The following TMEM132C variants were observed in gnomAD, a reference collection of about 807,000 sequenced individuals.
TMEM132C encodes the protein transmembrane protein 132C, also known as protein phosphatase 1, regulatory subunit 152.
A neutral mutation model predicts 61.4 loss-of-function variants in TMEM132C; 29 were observed. The observed-to-expected ratio is 0.47, with a 90% CI of 0.35 to 0.64. The LOEUF (loss-of-function observed/expected upper bound fraction) is 0.64, where lower values mean the gene tolerates loss of function less well. Ranked by LOEUF, TMEM132C falls within the 30% of genes least tolerant of loss-of-function variation. The pLI, the probability that TMEM132C is intolerant of heterozygous loss-of-function variation, is 0.00. For missense variants in TMEM132C, 1,408 were observed against 1,476.9 expected (o/e 0.95, Z 0.76); for synonymous variants, 656 against 633.1 (o/e 1.04, Z -0.54).
In TMEM132C at chr12:128,705,225, C is replaced by A; in HGVS notation, c.2257C>A (p.Pro753Thr). ...AVVSVPQPRS[P>T]RWPVVVAEGE... is the part of the protein sequence containing the mutation. ...CGTGTCAGTCCCCCAGCCCCGCTCTCCCAGGTGGCCCGTTGTGGTGGCCGA... is the reference window on the plus strand; with the variant it reads ...CGTGTCAGTCCCCCAGCCCCGCTCTACCAGGTGGCCCGTTGTGGTGGCCGA... The change falls in exon 9 of 9, where the codon CCC (proline) becomes ACC (threonine). Residue 753 changes from proline to threonine, a missense_variant. Pro to Thr is a conservative substitution (Grantham distance 38). Coordinates refer to ENST00000435159, the MANE Select transcript of TMEM132C (RefSeq NM_001136103.3). 1 of 1,551,702 alleles carries A rather than the reference C, an allele frequency of 6.4e-7. No individual in the cohort carries two copies. The highest frequency in any genetic ancestry group is 8.7e-7 in the Non-Finnish European group (1 of 1,147,004).
intron 1 of TMEM132C, among the ~76,000 whole-genome samples, chr12:128,335,454 C>T (rs373803243): frequency 6.6e-5 from 10 of 152,270 alleles, no homozygotes; most frequent in South Asian, 2.1e-4. Context: ...GATTAACCAT[C>T]GCTGTTGTAT....
chr12:128,429,135 G>A (rs771868849), intron 2 of TMEM132C, among the ~76,000 whole-genome samples: 13 of 152,074 alleles, frequency 8.5e-5, no homozygotes, highest in Non-Finnish European at 1.6e-4. Flanking sequence ...TTCAACAGGG[G>A]AAGAGTTTTA....
At chr12:128,625,426 T>C (rs939027411) in intron 4 of TMEM132C, among the ~76,000 whole-genome samples, 1 of 152,178 alleles carries the variant, frequency 6.6e-6, no homozygotes, top group African/African-American at 2.4e-5. Context: ...TAGTCCATTT[T>C]CATGCTGCTG....
intron 3 of TMEM132C, among the ~76,000 whole-genome samples, chr12:128,582,024 A>G (rs368454044): frequency 6.6e-6 from 1 of 152,232 alleles, no homozygotes; most frequent in South Asian, 2.1e-4. Context: ...TCAGAGGGTC[A>G]GAGATTCCAA....
At chr12:128,580,715 T>C (rs773174398) in intron 3 of TMEM132C, among the ~76,000 whole-genome samples, 2 of 152,174 alleles carry the variant, frequency 1.3e-5, no homozygotes, top group African/African-American at 4.8e-5. Flanking sequence ...ATTTTTCTTA[T>C]AGCGACAGTC....
At chr12:128,673,488 G>A (rs1210748992) in intron 5 of TMEM132C, among the ~76,000 whole-genome samples, 1 of 152,212 alleles carries the variant, frequency 6.6e-6, no homozygotes, top group African/African-American at 2.4e-5. Flanking sequence ...AGACAGGCAG[G>A]AAGCCTGCCT....
chr12:128,478,513 G>A (rs1374706522), intron 2 of TMEM132C, among the ~76,000 whole-genome samples: 1 of 152,098 alleles, frequency 6.6e-6, no homozygotes, highest in Non-Finnish European at 1.5e-5. Flanking sequence ...TCTTATCCCG[G>A]ACTTTCTCTT....
chr12:128,518,709 G>C (rs543272181), intron 2 of TMEM132C, among the ~76,000 whole-genome samples: 128 of 152,006 alleles, frequency 8.4e-4, no homozygotes, highest in Middle Eastern at 6.8e-3. Context: ...ATTATCTATT[G>C]GTGTGTGAAT....
At chr12:128,309,542 C>T (rs1470357671) in intron 1 of TMEM132C, among the ~76,000 whole-genome samples, 1 of 152,076 alleles carries the variant, frequency 6.6e-6, no homozygotes, top group African/African-American at 2.4e-5. Flanking sequence ...CTCTCCATTC[C>T]GTTTTCCTCC....
chr12:128,414,851 C>A lies in TMEM132C; in HGVS notation c.205C>A (p.Gln69Lys). The change falls in exon 2 of 9, where the codon CAG becomes AAG. Residue 69 changes from glutamine to lysine, a missense_variant. Physicochemically the swap from Gln to Lys is moderately conservative, Grantham distance 53. Transcript: ENST00000435159. ...CTCCTTCTTCCTCAAGGAAGCCAACCAGGACCTGCTGCGGAACTCCAGCCT... is the reference window on the plus strand; with the variant it reads ...CTCCTTCTTCCTCAAGGAAGCCAACAAGGACCTGCTGCGGAACTCCAGCCT... ...ETSFFLKEANQDLLRNSSLQA... is the reference protein window; with the variant it reads ...ETSFFLKEANKDLLRNSSLQA... 2 of 1,550,096 alleles carry A rather than the reference C, an allele frequency of 1.3e-6. No homozygotes were observed. Among genetic ancestry groups the A allele is most frequent in the Non-Finnish European group, 1.7e-6 (2 of 1,147,092 alleles).
At chr12:128,503,704 G>A (rs1872257918) in intron 2 of TMEM132C, among the ~76,000 whole-genome samples, 1 of 152,162 alleles carries the variant, frequency 6.6e-6, no homozygotes, top group Non-Finnish European at 1.5e-5. Flanking sequence ...CGTTCTCTCT[G>A]TTACACAGAT....
At chr12:128,494,974 G>C (rs1208190156) in intron 2 of TMEM132C, among the ~76,000 whole-genome samples, 1 of 142,648 alleles carries the variant, frequency 7.0e-6, no homozygotes, top group Non-Finnish European at 1.5e-5. Flanking sequence ...TTTCTCTTGT[G>C]GGCATTTAGT....
intron 3 of TMEM132C, among the ~76,000 whole-genome samples, chr12:128,584,187 C>A (rs1385958273): frequency 6.6e-6 from 1 of 152,210 alleles, no homozygotes; most frequent in East Asian, 1.9e-4. Context: ...TCTGCCCCAG[C>A]TGGAGAACAT....
chr12:128,462,923 A>G (rs544143937), intron 2 of TMEM132C, among the ~76,000 whole-genome samples: 1 of 152,236 alleles, frequency 6.6e-6, no homozygotes, highest in African/African-American at 2.4e-5. Context: ...TCATAGATCA[A>G]TACACCTGGA....
At chr12:128,537,351 C>T (rs1873569124) in intron 2 of TMEM132C, among the ~76,000 whole-genome samples, 1 of 152,126 alleles carries the variant, frequency 6.6e-6, no homozygotes, top group African/African-American at 2.4e-5. Flanking sequence ...CCGTTTAGCC[C>T]TCAGGGAGAA....
intron 2 of TMEM132C, among the ~76,000 whole-genome samples, chr12:128,453,630 G>A (rs187543833): frequency 4.9e-4 from 75 of 152,256 alleles, no homozygotes; most frequent in African/African-American, 1.7e-3. Flanking sequence ...GAAAGAGGGC[G>A]GCAGCCATCT....
chr12:128,404,703 C>G (rs1485446046), intron 1 of TMEM132C: 4 of 152,042 alleles, frequency 2.6e-5, no homozygotes, highest in Non-Finnish European at 5.9e-5. Context: ...GAATCCATCC[C>G]TGGTCAACAC....
At chr12:128,560,867 G>C (rs991776572) in intron 3 of TMEM132C, among the ~76,000 whole-genome samples, 3 of 152,232 alleles carry the variant, frequency 2.0e-5, no homozygotes, top group Non-Finnish European at 4.4e-5. Flanking sequence ...TTGAGAGTAT[G>C]AATGCTGAAT....
At chr12:128,672,541 C>A (rs1417351754) in intron 5 of TMEM132C, among the ~76,000 whole-genome samples, 20 of 152,148 alleles carry the variant, frequency 1.3e-4, no homozygotes, top group Admixed American at 1.3e-3. Flanking sequence ...TAAATGTATT[C>A]AAACAGAAAA....
Sources: allele counts gnomAD v4.1 joint callset (sites outside exome capture counted in the v4.1 genomes callset), GRCh38; gene constraint gnomAD v4.1.1; transcripts MANE v1.5; gene names NCBI Gene and HGNC (gene_info 2026-07-23, HGNC 2026-07-21).